CDK13: variants seen among roughly 807,000 people sequenced by gnomAD.
CDK13 encodes the protein cyclin-dependent kinase 13.
A neutral mutation model predicts 137.6 loss-of-function variants in CDK13; 40 were observed. The observed-to-expected ratio is 0.29, with a 90% CI of 0.23 to 0.38. The LOEUF (loss-of-function observed/expected upper bound fraction) is 0.38. CDK13 is among the 10% of genes least tolerant of loss of function. The pLI is 1.00. For synonymous variants in CDK13, 869 were observed against 760.1 expected, an observed-to-expected ratio of 1.14 and a Z score of -2.36; for missense variants, 1,704 against 1,951.8, an observed-to-expected ratio of 0.87 and a Z score of 2.39.
At chr7:40,017,971 C>T (rs1785037616) in intron 5 of CDK13, among the ~76,000 whole-genome samples, 1 of 150,230 alleles carries the variant, frequency 6.7e-6, no homozygotes, top group Non-Finnish European at 1.5e-5. Flanking sequence ...TCCTGTTTCA[C>T]TGATGTTTTT....
chr7:40,029,043 T>A (rs1785307872), intron 5 of CDK13, among the ~76,000 whole-genome samples: 1 of 152,004 alleles, frequency 6.6e-6, no homozygotes, highest in African/African-American at 2.4e-5. Flanking sequence ...TGCAGATTTT[T>A]AAAATAAATA....
chr7:40,053,546 C>G (rs1431075474), intron 7 of CDK13, among the ~76,000 whole-genome samples: 2 of 152,102 alleles, frequency 1.3e-5, no homozygotes, highest in African/African-American at 4.8e-5. Context: ...TCTACATAAG[C>G]TGTTTCTTTT....
chr7:39,971,034 A>AT (rs1461649261), intron 1 of CDK13, among the ~76,000 whole-genome samples: 2 of 151,844 alleles, frequency 1.3e-5, no homozygotes, highest in Non-Finnish European at 2.9e-5. Flanking sequence ...CTAAACTGAA[A>AT]TTTTTTCCTT....
At position 40,005,956 on chromosome 7, in the gene CDK13, C is replaced by T. The variant is rs1006839936; in HGVS notation, c.2353+3925C>T. 2.0e-5 allele frequency among the ~76,000 whole-genome samples: 3 copies of T among 152,138 alleles called. 1 individual carries two copies. The highest frequency in any genetic ancestry group is 6.5e-5 in the Admixed American group (1 of 15,274). On this transcript the variant is annotated intron_variant, in intron 5 of 13. Coordinates refer to ENST00000181839, the MANE Select transcript of CDK13 (RefSeq NM_003718.5). ...CCCAAGGCCGGCGTCAAACTCCTGG[C>T]TCAATTGATCCTCCTGCCTTGGCCT...
intron 13 of CDK13, 126 bp downstream of exon 13, chr7:40,093,363 C>T (rs1786969881): frequency 2.6e-6 from 2 of 760,170 alleles, no homozygotes; most frequent in South Asian, 2.1e-5. Context: ...TCTCAGGTAA[C>T]TGGCAATAGG....
chr7:39,976,358 C>CACACACACACACAG (rs1368250288), intron 1 of CDK13, among the ~76,000 whole-genome samples: 2 of 147,206 alleles, frequency 1.4e-5, no homozygotes, highest in Admixed American at 6.8e-5. Context: ...CACACACACA[C>CACACACACACACAG]AGAAACAAAT....
chr7:40,032,752 GT>G (rs956578087), intron 5 of CDK13, among the ~76,000 whole-genome samples: 41 of 147,366 alleles, frequency 2.8e-4, no homozygotes, highest in African/African-American at 6.4e-4. Context: ...GTCTAGTTAT[GT>G]TTTTTTTTTC....
At chr7:40,088,681 G>C (rs1023869178) in intron 12 of CDK13, among the ~76,000 whole-genome samples, 4 of 152,152 alleles carry the variant, frequency 2.6e-5, no homozygotes, top group African/African-American at 9.7e-5. Flanking sequence ...TAGGAAGAAA[G>C]GTATAAGAAA....
chr7:40,024,730 C>T (rs1422259244), intron 5 of CDK13, among the ~76,000 whole-genome samples: 2 of 137,922 alleles, frequency 1.5e-5, no homozygotes, highest in Non-Finnish European at 3.0e-5. Context: ...GTGGCATGAT[C>T]TCTGCTCACT....
intron 9 of CDK13, 35 bp downstream of exon 9, chr7:40,063,135 G>C (rs773307034): frequency 1.4e-6 from 2 of 1,472,930 alleles, no homozygotes; most frequent in Non-Finnish European, 1.9e-6. Flanking sequence ...TGGGAATTGG[G>C]AGAGTGTCAT....
intron 1 of CDK13, among the ~76,000 whole-genome samples, chr7:39,977,833 A>G (rs144750509): frequency 6.6e-6 from 1 of 152,262 alleles, no homozygotes; most frequent in East Asian, 1.9e-4. Context: ...AATAGTAGCT[A>G]TGGGGATAAA....
intron 9 of CDK13, among the ~76,000 whole-genome samples, chr7:40,075,040 G>A (rs1354375168): frequency 1.3e-5 from 2 of 152,066 alleles, no homozygotes; most frequent in Non-Finnish European, 2.9e-5. Context: ...GAGTGTTATA[G>A]TATTGATTAT....
At chr7:40,029,166 C>T (rs1562737684) in intron 5 of CDK13, among the ~76,000 whole-genome samples, 1 of 152,064 alleles carries the variant, frequency 6.6e-6, no homozygotes. Flanking sequence ...GTGGCTCACA[C>T]CTGTAATCCC....
chr7:40,051,455 T>C (rs1785886250), intron 7 of CDK13, among the ~76,000 whole-genome samples: 2 of 152,148 alleles, frequency 1.3e-5, no homozygotes, highest in Admixed American at 6.5e-5. Context: ...GAGATAAATA[T>C]GTAACAAATG....
intron 7 of CDK13, among the ~76,000 whole-genome samples, chr7:40,053,335 T>A (rs915122384): frequency 6.6e-6 from 1 of 152,226 alleles, no homozygotes; most frequent in Non-Finnish European, 1.5e-5. Flanking sequence ...TGTCTACTCC[T>A]TTTCCTTTAT....
intron 9 of CDK13, among the ~76,000 whole-genome samples, chr7:40,066,357 G>A (rs1354512294): frequency 6.6e-6 from 1 of 152,146 alleles, no homozygotes; most frequent in African/African-American, 2.4e-5. Flanking sequence ...AGTCTTATTA[G>A]ATTAATTGAT....
Position 40,051,919 on chromosome 7 carries a change from TGAGAA to T in CDK13, c.2600+4043_2600+4047del, listed in dbSNP as rs375616324. Among the ~76,000 whole-genome samples the T allele has an allele frequency of 3.9e-4, 59 of 152,342 alleles. 1 individual carries two copies. The South Asian group carries it at 0.012, about 30-fold the overall frequency. On this transcript the variant is annotated intron_variant, in intron 7 of 13. Transcript: ENST00000181839. ...ATTCTGCATTGGGAATTTTAAAACT[TGAGAA>T]TAGAGATTTTTGCCCCATTTCTTCA...
At chr7:39,963,789 CGT>C (rs1783805220) in intron 1 of CDK13, among the ~76,000 whole-genome samples, 2 of 2,906 alleles carry the variant, frequency 6.9e-4, no homozygotes, top group Non-Finnish European at 1.6e-3. Context: ...TTTTGAGATA[CGT>C]CCATCAATAC....
At chr7:39,961,729 G>T (rs1783738452) in intron 1 of CDK13, among the ~76,000 whole-genome samples, 1 of 151,504 alleles carries the variant, frequency 6.6e-6, no homozygotes, top group Non-Finnish European at 1.5e-5. Flanking sequence ...TTGGTGTGCT[G>T]CACCCATTAA....
Sources: gnomAD v4.1 joint callset for allele counts (sites outside exome capture counted in the v4.1 genomes callset) on GRCh38, gnomAD v4.1.1 for gene constraint, MANE v1.5 for transcripts, NCBI Gene and HGNC (gene_info 2026-07-23, HGNC 2026-07-21) for gene names.